The following IPCEF1 variants were observed in gnomAD, a reference collection of about 807,000 sequenced individuals.
IPCEF1 encodes interactor protein for cytohesin exchange factors 1.
In IPCEF1, 31 loss-of-function variants were observed where a neutral mutation model predicts 50.9. The ratio of observed to expected loss-of-function variants is 0.61; its 90% CI spans 0.46 to 0.82. IPCEF1 has a LOEUF of 0.82. IPCEF1 is among the 40% of genes least tolerant of loss of function. The pLI, the probability that IPCEF1 is intolerant of heterozygous loss-of-function variation, is 0.00. For synonymous variants in IPCEF1, 181 were observed against 192.0 expected, an observed-to-expected ratio of 0.94 and a Z score of 0.47; for missense variants, 458 against 514.0, an observed-to-expected ratio of 0.89 and a Z score of 1.05.
rs187056228 is a variant in IPCEF1 at position 154,305,841 on chromosome 6, A to C, written c.-61-16085T>G. On this transcript the variant is annotated intron_variant, in intron 1 of 11. Coordinates refer to ENST00000367220, the MANE Select transcript of IPCEF1 (RefSeq NM_001130700.2). ...GATGCTTCCAGCCCTCAAATATCAG[A>C]CTCCAAGTTCTTCAGCTCTTGGACC... 2.0e-3 allele frequency among the ~76,000 whole-genome samples: 300 copies of C among 151,984 alleles called. 1 individual carries two copies. Among genetic ancestry groups the C allele is most frequent in the African/African-American group, 6.6e-3 (272 of 41,460 alleles).
intron 9 of IPCEF1, among the ~76,000 whole-genome samples, chr6:154,206,193 T>C (rs1777481314): frequency 6.6e-6 from 1 of 152,204 alleles, no homozygotes; most frequent in Admixed American, 6.5e-5. Context: ...TCATGAAACA[T>C]AAGCAGCTTG....
chr6:154,180,400 ATATATATATATATATTTT>A (rs1329614069), intron 10 of IPCEF1, among the ~76,000 whole-genome samples: 18 of 81,824 alleles, frequency 2.2e-4, no homozygotes, highest in East Asian at 2.0e-3. Context: ...ATATATATAT[ATATATATATATATATTTT>A]TTTTTTAAAC....
chr6:154,179,484 A>C (rs567626519), intron 10 of IPCEF1, among the ~76,000 whole-genome samples: 1 of 152,328 alleles, frequency 6.6e-6, no homozygotes, highest in African/African-American at 2.4e-5. Context: ...GACGGGAGCC[A>C]AATTAATTAT....
At chr6:154,354,404 T>TCTCCACCACCAC (rs1218198036) in intron 1 of IPCEF1, among the ~76,000 whole-genome samples, 515 of 20,650 alleles carry the variant, frequency 0.025, 14 homozygotes, top group Non-Finnish European at 0.037. Flanking sequence ...CCAACCACCA[T>TCTCCACCACCAC]CTCCACCACC....
chr6:154,356,049 G>C (rs1214326046), intron 1 of IPCEF1, among the ~76,000 whole-genome samples: 4 of 152,096 alleles, frequency 2.6e-5, no homozygotes, highest in Non-Finnish European at 4.4e-5. Flanking sequence ...AAGACTAATA[G>C]AGCCCACTGC....
intron 10 of IPCEF1, among the ~76,000 whole-genome samples, chr6:154,196,769 G>C (rs1776655210): frequency 6.6e-6 from 1 of 152,104 alleles, no homozygotes; most frequent in African/African-American, 2.4e-5. Flanking sequence ...AATAATCAGT[G>C]AATAATTCCT....
chr6:154,265,896 T>G lies in IPCEF1; in HGVS notation c.36+16A>C. Reference sequence around the variant, plus strand: ...TGACAATATCTAAAGCCTGGGGTATTCCAAAGGATACTTACAAGAGCACTG... The same window carrying G: ...TGACAATATCTAAAGCCTGGGGTATGCCAAAGGATACTTACAAGAGCACTG... On this transcript the variant is annotated intron_variant, in intron 3 of 11. Transcript: ENST00000367220. The G allele has an allele frequency of 6.4e-7, 1 of 1,573,536 alleles. No homozygotes were observed. The highest frequency in any genetic ancestry group is 8.7e-7 in the Non-Finnish European group (1 of 1,153,424).
intron 2 of IPCEF1, among the ~76,000 whole-genome samples, chr6:154,268,125 G>A (rs1451045432): frequency 6.6e-6 from 1 of 152,224 alleles, no homozygotes; most frequent in Non-Finnish European, 1.5e-5. Context: ...GCCTCCTGCT[G>A]CCGTTCATGG....
chr6:154,203,273 C>T lies in IPCEF1; in HGVS notation c.538-3233G>A, dbSNP rs187086420. Among the ~76,000 whole-genome samples, 893 of 152,246 alleles carry T rather than the reference C, an allele frequency of 5.9e-3. 10 individuals are homozygous for T. The highest frequency in any genetic ancestry group is 0.021 in the African/African-American group (866 of 41,554). ...CAACCTTCGTGTGTCTGTTCAAACA[C>T]CAACTCCTCCAGGAAGCCTTCTCTG... On this transcript the variant is annotated intron_variant, in intron 9 of 11. Coordinates refer to ENST00000367220, the MANE Select transcript of IPCEF1 (RefSeq NM_001130700.2).
intron 10 of IPCEF1, among the ~76,000 whole-genome samples, chr6:154,195,143 C>CTTTTT (rs1162086187): frequency 1.8e-4 from 24 of 133,536 alleles, no homozygotes; most frequent in African/African-American, 5.6e-4. Flanking sequence ...TTTTTCTTTT[C>CTTTTT]TTTCTTTTTT....
rs748094440 is a variant in IPCEF1 at position 154,246,769 on chromosome 6, A to T, written c.77-9T>A. 26 of 1,613,342 alleles carry T rather than the reference A, an allele frequency of 1.6e-5. No homozygotes were observed. Among genetic ancestry groups the T allele is most frequent in the Non-Finnish European group, 2.2e-5 (26 of 1,179,622 alleles). ...ACTCATCGTGAGAAAACCTGCAATG[A>T]TTACATGAAGAGGTAGATAATGTAT... On this transcript the variant is annotated splice_polypyrimidine_tract_variant and intron_variant, in intron 4 of 11. Transcript: ENST00000367220.
intron 6 of IPCEF1, 56 bp from the exon 7 acceptor site, chr6:154,221,384 G>A: frequency 7.6e-7 from 1 of 1,321,118 alleles, no homozygotes; most frequent in Non-Finnish European, 1.1e-6. Context: ...GTCAACAATG[G>A]GTCTGAAAGT....
chr6:154,339,126 T>A (rs1783850672), intron 1 of IPCEF1, among the ~76,000 whole-genome samples: 1 of 152,104 alleles, frequency 6.6e-6, no homozygotes, highest in African/African-American at 2.4e-5. Flanking sequence ...CTAATCAGGG[T>A]GTATATTCAG....
chr6:154,171,951 A>G (rs1334811499), intron 10 of IPCEF1, among the ~76,000 whole-genome samples: 1 of 152,252 alleles, frequency 6.6e-6, no homozygotes, highest in Non-Finnish European at 1.5e-5. Flanking sequence ...ATTAAGGAAT[A>G]TATGTTTAAC....
At chr6:154,194,777 T>G (rs978369440) in intron 10 of IPCEF1, among the ~76,000 whole-genome samples, 1 of 150,232 alleles carries the variant, frequency 6.7e-6, no homozygotes, top group Non-Finnish European at 1.5e-5. Context: ...CATAACTTCA[T>G]GACAACTCAT....
intron 10 of IPCEF1, among the ~76,000 whole-genome samples, chr6:154,194,881 T>C (rs1324400415): frequency 6.6e-6 from 1 of 152,082 alleles, no homozygotes; most frequent in East Asian, 1.9e-4. Context: ...TGATCATATA[T>C]TCAAGGTTTT....
chr6:154,207,294 G>A (rs1777582083), intron 9 of IPCEF1, among the ~76,000 whole-genome samples: 1 of 152,190 alleles, frequency 6.6e-6, no homozygotes, highest in Non-Finnish European at 1.5e-5. Flanking sequence ...CTTAAAATCA[G>A]TTAGATATTC....
At chr6:154,347,626 T>C (rs1484155775) in intron 1 of IPCEF1, among the ~76,000 whole-genome samples, 2 of 152,230 alleles carry the variant, frequency 1.3e-5, no homozygotes, top group Admixed American at 6.5e-5. Flanking sequence ...GGTTTTGCCA[T>C]TAAAGACTAC....
intron 7 of IPCEF1, among the ~76,000 whole-genome samples, chr6:154,215,109 G>A (rs771462650): frequency 1.3e-5 from 2 of 152,092 alleles, no homozygotes; most frequent in Non-Finnish European, 2.9e-5. Flanking sequence ...CGTGCTACAC[G>A]TTTATCAATT....
Sources: allele counts gnomAD v4.1 joint callset (sites outside exome capture counted in the v4.1 genomes callset), GRCh38; gene constraint gnomAD v4.1.1; transcripts MANE v1.5; gene names NCBI Gene and HGNC (gene_info 2026-07-23, HGNC 2026-07-21).